MAGEC3: variants seen among roughly 807,000 people sequenced by gnomAD.
The protein encoded by MAGEC3 is MAGE family member C3, also known as melanoma-associated antigen C3.
In MAGEC3, 34 loss-of-function variants were observed where a neutral mutation model predicts 35.3. The observed-to-expected ratio is 0.96, with a 90% CI of 0.73 to 1.28. The LOEUF (loss-of-function observed/expected upper bound fraction) is 1.28, where lower values mean the gene tolerates loss of function less well. MAGEC3 is among the 50% of genes most tolerant of loss of function. The pLI, the probability that MAGEC3 is intolerant of heterozygous loss-of-function variation, is 0.00. For missense variants in MAGEC3, 561 were observed against 483.6 expected (o/e 1.16, Z -1.50); for synonymous variants, 202 against 185.6 (o/e 1.09, Z -0.72).
rs372616410 is a variant in MAGEC3, at chrX:141,887,609, T to C, written c.909+5813T>C. On this transcript the variant is annotated intron_variant, in intron 4 of 7. Coordinates refer to ENST00000298296, the MANE Select transcript of MAGEC3 (RefSeq NM_138702.1). ...CACATTCCTCATTTGGGTGTGTTAC[T>C]CTGGTTCACTTATCGAGTGACCCAA... 2.9e-4 allele frequency among the ~76,000 whole-genome samples: 32 copies of C among 112,022 alleles called. 1 individual carries two copies. The East Asian group carries it at 6.0e-3, about 21-fold the overall frequency.
intron 4 of MAGEC3, among the ~76,000 whole-genome samples, chrX:141,891,677 G>A (rs1466355078): frequency 9.8e-6 from 1 of 102,261 alleles, no homozygotes; most frequent in Non-Finnish European, 2.0e-5. Flanking sequence ...ATATATATAT[G>A]CATATATAAA....
intron 2 of MAGEC3, among the ~76,000 whole-genome samples, chrX:141,872,783 G>A (rs1046286045): frequency 8.9e-6 from 1 of 112,120 alleles, no homozygotes. Flanking sequence ...TGAGACCTGA[G>A]GGTTTTGAGA....
intron 3 of MAGEC3, among the ~76,000 whole-genome samples, chrX:141,879,830 G>A (rs1294145529): frequency 9.0e-6 from 1 of 111,270 alleles, no homozygotes; most frequent in African/African-American, 3.3e-5. Flanking sequence ...TACCTGCTGT[G>A]AGATTGTAGG....
chrX:141,876,361 C>T (rs1167485087), intron 2 of MAGEC3, among the ~76,000 whole-genome samples: 1 of 111,662 alleles, frequency 9.0e-6, no homozygotes, highest in Non-Finnish European at 1.9e-5. Context: ...GGTAGCCTTC[C>T]CCCAGCCACT....
At chrX:141,895,191 A>C (rs2018077681) in intron 4 of MAGEC3, 78 bp from the exon 5 acceptor site, 4 of 1,022,265 alleles carry the variant, frequency 3.9e-6, no homozygotes, top group Non-Finnish European at 5.3e-6. Flanking sequence ...GGTCAGGAAA[A>C]GGTGGAAGGA....
At position 141,897,773 on chromosome X, in the gene MAGEC3, G is replaced by T; in HGVS notation, c.1873G>T (p.Ala625Ser). The change falls in exon 8 of 8, where the codon GCT becomes TCT. Residue 625 changes from alanine to serine, a missense_variant. By Grantham distance (99) the Ala-to-Ser change is moderately conservative. Coordinates refer to ENST00000298296, the MANE Select transcript of MAGEC3 (RefSeq NM_138702.1). ...GGCCATAATTGACACCACAGATGAT[G>T]CTACTGCCATGGCCAGTGCAAGCCC... ...AQAIIDTTDDATAMASASPSV... is the reference protein window; with the variant it reads ...AQAIIDTTDDSTAMASASPSV... 8 of 1,209,362 alleles carry T rather than the reference G, an allele frequency of 6.6e-6. No homozygotes were observed. Among genetic ancestry groups the T allele is most frequent in the Non-Finnish European group, 8.9e-6 (8 of 894,516 alleles).
chrX:141,871,084 T>G lies in MAGEC3; in HGVS notation c.258+5479T>G, dbSNP rs187113882. Among the ~76,000 whole-genome samples the G allele has an allele frequency of 7.7e-4, 87 of 112,476 alleles. 1 individual carries two copies. The highest frequency in any genetic ancestry group is 2.6e-3 in the African/African-American group (81 of 30,956). The stretch of plus-strand genomic sequence containing the variant: ...GTTTGATTTAAGCACTTATTTTTCT[T>G]AGGCCAATTAATTAAAGCTTTTTTT... On this transcript the variant is annotated intron_variant, in intron 2 of 7. Transcript: ENST00000298296.
intron 6 of MAGEC3, chrX:141,896,187 T>G (rs2124131777): frequency 5.2e-6 from 1 of 190,716 alleles, no homozygotes; most frequent in East Asian, 1.6e-4. Flanking sequence ...TTGCAGGTGC[T>G]CCAGGAACCA....
chrX:141,857,180 G>A (rs1320866012), intron 1 of MAGEC3, among the ~76,000 whole-genome samples: 1 of 109,297 alleles, frequency 9.1e-6, no homozygotes, highest in East Asian at 2.9e-4. Flanking sequence ...ACATTAGAAT[G>A]TAATTGTGAA....
intron 4 of MAGEC3, among the ~76,000 whole-genome samples, chrX:141,886,630 C>T (rs1006369094): frequency 9.0e-6 from 1 of 110,872 alleles, no homozygotes. Context: ...TCAGCTTGGA[C>T]TTACAGATGA....
intron 3 of MAGEC3, among the ~76,000 whole-genome samples, chrX:141,881,023 T>G (rs989347919): frequency 3.6e-5 from 4 of 112,387 alleles, no homozygotes; most frequent in East Asian, 2.8e-4. Flanking sequence ...TGAGAAAGAC[T>G]TCCAGAACCA....
intron 2 of MAGEC3, among the ~76,000 whole-genome samples, chrX:141,873,955 A>G (rs1410774173): frequency 2.7e-5 from 3 of 112,090 alleles, no homozygotes; most frequent in Non-Finnish European, 5.6e-5. Flanking sequence ...ACACTTCCCA[A>G]CTTCAGGTCT....
intron 1 of MAGEC3, among the ~76,000 whole-genome samples, chrX:141,858,802 G>GTATA (rs1305278014): frequency 2.7e-5 from 3 of 110,614 alleles, no homozygotes; most frequent in African/African-American, 9.8e-5. Flanking sequence ...GTGTGTGTAT[G>GTATA]TATATATATA....
At chrX:141,839,615 T>C in intron 1 of MAGEC3, 1 of 753,664 alleles carries the variant, frequency 1.3e-6, no homozygotes, top group South Asian at 6.8e-5. Flanking sequence ...CCAAAACAAG[T>C]GTTTATTCAT....
At chrX:141,840,714 G>A (rs1026784017) in intron 1 of MAGEC3, among the ~76,000 whole-genome samples, 4 of 109,887 alleles carry the variant, frequency 3.6e-5, no homozygotes, top group South Asian at 3.8e-4. Context: ...TGATGTATTA[G>A]CATTAGCATG....
chrX:141,854,027 A>G (rs1290805234), intron 1 of MAGEC3, among the ~76,000 whole-genome samples: 1 of 111,195 alleles, frequency 9.0e-6, no homozygotes, highest in Admixed American at 9.6e-5. Flanking sequence ...TCTAGTTTGC[A>G]TGGGACTAGA....
rs1013343954 is a variant in MAGEC3 at position 141,879,490 on chromosome X, C to G, written c.515+59C>G. On this transcript the variant is annotated intron_variant, in intron 3 of 7. Transcript: ENST00000298296. ...TGAGGAGGAAAAGGTGGAGGGATACCGAGAGGTGGGCAGGAAGGGGTGGAA... is the reference window on the plus strand; with the variant it reads ...TGAGGAGGAAAAGGTGGAGGGATACGGAGAGGTGGGCAGGAAGGGGTGGAA... The G allele has an allele frequency of 6.4e-6, 7 of 1,094,398 alleles. No homozygotes were observed. The Admixed American group carries it at 1.2e-4, about 18-fold the overall frequency. The allele number at this position is 1,094,398 out of a possible 1,213,427, so 90.2% of individuals were successfully genotyped here. A position where few individuals can be genotyped will look rare whatever the true frequency, so the allele number is the denominator to read the frequency against.
At chrX:141,884,540 C>T (rs745811339) in intron 4 of MAGEC3, among the ~76,000 whole-genome samples, 2 of 110,864 alleles carry the variant, frequency 1.8e-5, no homozygotes, top group African/African-American at 3.3e-5. Flanking sequence ...GATTTTTGTA[C>T]CAGGAGTGGT....
intron 6 of MAGEC3, 85 bp downstream of exon 6, chrX:141,895,644 C>T: frequency 1.1e-6 from 1 of 941,589 alleles, no homozygotes; most frequent in East Asian, 3.4e-5. Context: ...CCCAGAGATT[C>T]CCACCCTGCT....
Sources: gnomAD v4.1 joint callset for allele counts (sites outside exome capture counted in the v4.1 genomes callset) on GRCh38, gnomAD v4.1.1 for gene constraint, MANE v1.5 for transcripts, NCBI Gene and HGNC (gene_info 2026-07-23, HGNC 2026-07-21) for gene names.